The following PDE9A variants were observed in gnomAD, a reference collection of about 807,000 sequenced individuals.
The protein encoded by PDE9A is high affinity cGMP-specific 3',5'-cyclic phosphodiesterase 9A.
PDE9A carries 60 observed loss-of-function variants against 87.4 expected under a neutral mutation model. The ratio of observed to expected loss-of-function variants is 0.69; its 90% CI spans 0.56 to 0.85. PDE9A has a LOEUF of 0.85. PDE9A is among the 40% of genes least tolerant of loss of function. The pLI, the probability that PDE9A is intolerant of heterozygous loss-of-function variation, is 0.00. For synonymous variants in PDE9A, 272 were observed against 279.4 expected (o/e 0.97, Z 0.27); for missense variants, 665 against 779.0 (o/e 0.85, Z 1.74).
intron 4 of PDE9A, among the ~76,000 whole-genome samples, chr21:42,710,943 G>T (rs939589029): frequency 6.6e-6 from 1 of 152,098 alleles, no homozygotes; most frequent in Non-Finnish European, 1.5e-5. Flanking sequence ...AGCTGAGATC[G>T]CGCCTTGCAC....
At chr21:42,727,529 T>C (rs1441185317) in intron 4 of PDE9A, among the ~76,000 whole-genome samples, 2 of 129,554 alleles carry the variant, frequency 1.5e-5, no homozygotes, top group Admixed American at 8.3e-5. Flanking sequence ...GATGGAGATC[T>C]CTCTTTGTTC....
chr21:42,653,886 A>G lies in PDE9A; in HGVS notation c.69+3A>G, dbSNP rs1227369496. ...ACATCGATGGACGCATTCAGAAGGT[A>G]GCCCCTCCCCCACCCAGACACCCCC... On this transcript the variant is annotated splice_donor_region_variant and intron_variant, in intron 1 of 19. Coordinates refer to ENST00000291539, the MANE Select transcript of PDE9A (RefSeq NM_002606.3). 2.6e-6 allele frequency: 4 copies of G among 1,533,572 alleles called. No homozygotes were observed. Among genetic ancestry groups the G allele is most frequent in the South Asian group, 1.2e-5 (1 of 83,856 alleles). The allele number at this position is 1,533,572 out of a possible 1,614,324, so 95.0% of individuals were successfully genotyped here. A position where few individuals can be genotyped will look rare whatever the true frequency, so the allele number is the denominator to read the frequency against.
intron 4 of PDE9A, among the ~76,000 whole-genome samples, chr21:42,719,346 C>T (rs2050255335): frequency 6.6e-6 from 1 of 151,666 alleles, no homozygotes; most frequent in South Asian, 2.1e-4. Context: ...AATATTATTC[C>T]ATTCTAGGCC....
At position 42,690,049 on chromosome 21, in the gene PDE9A, A is replaced by G. The variant is rs1348733240; in HGVS notation, c.218+2055A>G. 1.0e-5 allele frequency: 10 copies of G among 985,276 alleles called. No homozygotes were observed. The African/African-American group carries it at 1.7e-4, about 17-fold the overall frequency. The allele number at this position is 985,276 out of a possible 1,614,324, so 61.0% of individuals were successfully genotyped here. ...GGTGGAGACAGACGCGGATGAGGAT[A>G]CAGATGGAGAAGATGGAGGTAGACG... is the stretch of plus-strand genomic sequence containing the variant. On this transcript the variant is annotated intron_variant, in intron 3 of 19. Transcript: ENST00000291539.
In PDE9A at chr21:42,731,887, A is replaced by G. The variant is rs1370653639; in HGVS notation, c.380A>G (p.Gln127Arg). 6.2e-7 allele frequency: 1 copy of G among 1,614,196 alleles called. No homozygotes were observed. Among genetic ancestry groups the G allele is most frequent in the South Asian group, 1.1e-5 (1 of 91,086 alleles). The change falls in exon 5 of 20, where the codon CAG becomes CGG. Residue 127 changes from glutamine (Q) to arginine (R), a missense_variant. By Grantham distance (43) the Gln-to-Arg change is conservative. Coordinates refer to ENST00000291539, the MANE Select transcript of PDE9A (RefSeq NM_002606.3). ...AGGGAAGGAGCATTTGAAAGTGGAC[A>G]GGTAGAGCCCAGGCCCAGAGAGCCC... Reference protein sequence around the residue: ...PRREGAFESGQVEPRPREPQG... With the variant: ...PRREGAFESGRVEPRPREPQG...
chr21:42,759,102 C>A lies in PDE9A; in HGVS notation c.897+17C>A. The A allele has an allele frequency of 6.3e-7, 1 of 1,589,894 alleles. No individual in the cohort carries two copies. Among genetic ancestry groups the A allele is most frequent in the Non-Finnish European group, 8.6e-7 (1 of 1,158,112 alleles). On this transcript the variant is annotated intron_variant, in intron 11 of 19. Transcript: ENST00000291539. The surrounding 1 kb of genome is among the most constrained non-coding windows in gnomAD (Gnocchi z 7.2). The stretch of plus-strand genomic sequence containing the variant: ...AGGTGGCTGGTGAGTGCCAAACCCG[C>A]CTTCGGTTCTTCCTGGGCACGTGGT...
intron 1 of PDE9A, among the ~76,000 whole-genome samples, chr21:42,672,652 AAG>A (rs2058626125): frequency 6.6e-6 from 1 of 152,250 alleles, no homozygotes; most frequent in African/African-American, 2.4e-5. Context: ...TGTTTAGAAA[AAG>A]AGAAAACTGG....
At chr21:42,673,846 A>C (rs1188063812) in intron 1 of PDE9A, among the ~76,000 whole-genome samples, 1 of 152,056 alleles carries the variant, frequency 6.6e-6, no homozygotes, top group Non-Finnish European at 1.5e-5. Context: ...CTGCCCTGCG[A>C]CTCGCTGGCC....
intron 4 of PDE9A, among the ~76,000 whole-genome samples, chr21:42,729,835 C>G (rs188301431): frequency 6.6e-6 from 1 of 152,266 alleles, no homozygotes; most frequent in Admixed American, 6.5e-5. Context: ...TTATTGATTT[C>G]TACTTTGATC....
At position 42,754,068 on chromosome 21, in the gene PDE9A, A is replaced by C; in HGVS notation, c.810+4A>C. The C allele has an allele frequency of 6.2e-7, 1 of 1,606,930 alleles. No individual in the cohort carries two copies. Among genetic ancestry groups the C allele is most frequent in the East Asian group, 2.2e-5 (1 of 44,824 alleles). On this transcript the variant is annotated splice_donor_region_variant and intron_variant, in intron 10 of 19. Coordinates refer to ENST00000291539, the MANE Select transcript of PDE9A (RefSeq NM_002606.3). ...CTGGCTTTGGGAGCCCAATGAGGTA[A>C]GTGCGGGGCTTGCAGGCACCACGTC...
intron 1 of PDE9A, among the ~76,000 whole-genome samples, chr21:42,664,467 C>G (rs923130619): frequency 6.6e-6 from 1 of 152,174 alleles, no homozygotes; most frequent in South Asian, 2.1e-4. Flanking sequence ...ACCTGCTTTC[C>G]GGGCTGGCCT....
chr21:42,683,766 A>G (rs778805145), intron 1 of PDE9A, among the ~76,000 whole-genome samples: 18 of 152,188 alleles, frequency 1.2e-4, no homozygotes, highest in Non-Finnish European at 2.1e-4. Flanking sequence ...CCTTCAAGCC[A>G]GCCCAAGGAG....
intron 1 of PDE9A, among the ~76,000 whole-genome samples, chr21:42,661,378 C>G (rs1463135293): frequency 1.3e-5 from 2 of 149,324 alleles, no homozygotes; most frequent in African/African-American, 5.0e-5. Context: ...GAACAATAAA[C>G]CCTCCCTCCC....
intron 1 of PDE9A, among the ~76,000 whole-genome samples, chr21:42,677,277 C>T (rs760978320): frequency 5.3e-5 from 8 of 152,282 alleles, no homozygotes; most frequent in East Asian, 1.9e-4. Context: ...GAATGTCAGC[C>T]GATGTAAGCG....
rs2055563732 is a variant in PDE9A, at chr21:42,760,291, C to T, written c.898-37C>T. ...CTTTGGGAGGAGAGGTGGGCGGGCC[C>T]AGGCACAGGGTGACTCGGACCCCCT... On this transcript the variant is annotated intron_variant, in intron 11 of 19. Coordinates refer to ENST00000291539, the MANE Select transcript of PDE9A (RefSeq NM_002606.3). The surrounding 1 kb of genome is among the most constrained non-coding windows in gnomAD (Gnocchi z 5.2). 1 of 1,298,636 alleles carries T rather than the reference C, an allele frequency of 7.7e-7. No individual in the cohort carries two copies. The highest frequency in any genetic ancestry group is 1.1e-6 in the Non-Finnish European group (1 of 899,312). The allele number at this position is 1,298,636 out of a possible 1,614,324, so 80.4% of individuals were successfully genotyped here.
intron 3 of PDE9A, 28 bp from the exon 4 acceptor site, chr21:42,698,936 GTCTC>G: frequency 6.3e-7 from 1 of 1,582,698 alleles, no homozygotes; most frequent in Non-Finnish European, 8.7e-7. Context: ...GCCTTGCAGA[GTCTC>G]ACAGCGGCAC....
chr21:42,736,008 G>A (rs186553475), intron 7 of PDE9A, among the ~76,000 whole-genome samples: 15 of 152,040 alleles, frequency 9.9e-5, no homozygotes, highest in African/African-American at 3.1e-4. Context: ...CCCTCTTTAC[G>A]GACACAAAAA....
At chr21:42,753,493 G>T (rs976651558) in intron 9 of PDE9A, among the ~76,000 whole-genome samples, 1 of 151,970 alleles carries the variant, frequency 6.6e-6, no homozygotes, top group Admixed American at 6.6e-5. Flanking sequence ...GGCATCCACC[G>T]ATGGGATCTC....
At chr21:42,717,030 G>A (rs2049997656) in intron 4 of PDE9A, among the ~76,000 whole-genome samples, 1 of 151,342 alleles carries the variant, frequency 6.6e-6, no homozygotes, top group South Asian at 2.1e-4. Flanking sequence ...GGGATTATAG[G>A]CGTGATTATA....
Sources: allele counts gnomAD v4.1 joint callset (sites outside exome capture counted in the v4.1 genomes callset), GRCh38; gene constraint gnomAD v4.1.1; non-coding constraint Gnocchi (gnomAD v3.1); transcripts MANE v1.5; gene names NCBI Gene and HGNC (gene_info 2026-07-23, HGNC 2026-07-21).